KCNAB1: variants seen among roughly 807,000 people sequenced by gnomAD.
KCNAB1 encodes the protein potassium voltage-gated channel subfamily A regulatory beta subunit 1, also known as voltage-gated potassium channel subunit beta-1.
KCNAB1 carries 35 observed loss-of-function variants against 64.6 expected under a neutral mutation model. That is an observed-to-expected ratio of 0.54 (90% CI 0.41 to 0.72). The LOEUF (loss-of-function observed/expected upper bound fraction) is 0.72. KCNAB1 is among the 30% of genes least tolerant of loss of function. KCNAB1 has a pLI of 0.00. For missense variants in KCNAB1, 401 were observed against 512.9 expected (o/e 0.78, Z 2.11); for synonymous variants, 177 against 183.8 (o/e 0.96, Z 0.30).
At chr3:156,232,657 G>C (rs557745147) in intron 1 of KCNAB1, among the ~76,000 whole-genome samples, 1 of 152,302 alleles carries the variant, frequency 6.6e-6, no homozygotes, top group East Asian at 1.9e-4. Context: ...ATGCAAAGGT[G>C]GTTTTTCACT....
intron 1 of KCNAB1, among the ~76,000 whole-genome samples, chr3:156,236,258 G>A (rs75024476): frequency 0.011 from 1,607 of 152,298 alleles, 20 homozygotes; most frequent in African/African-American, 0.036. Context: ...GATGCTGACT[G>A]CCGTTCAGCT....
rs1713294338 is a variant in KCNAB1 at position 156,120,789 on chromosome 3, C to A, written c.178C>A (p.Leu60Met). 1.2e-6 allele frequency: 2 copies of A among 1,614,248 alleles called. No individual in the cohort carries two copies. Among genetic ancestry groups the A allele is most frequent in the East Asian group, 2.2e-5 (1 of 44,876 alleles). ...SGESQLRARQ[L>M]ALLREVEMNW... ...GGAAAGCCAGCTCAGGGCGCGTCAA[C>A]TGGCTCTGCTGCGCGAAGTGGAGAT... is the stretch of plus-strand genomic sequence containing the variant. Residue 60 changes from leucine to methionine, a missense_variant, in exon 1 of 14, where the codon CTG (leucine) becomes ATG (methionine). By Grantham distance (15) the Leu-to-Met change is conservative (BLOSUM62 2). Coordinates refer to ENST00000490337, the MANE Select transcript of KCNAB1 (RefSeq NM_172160.3).
At chr3:156,462,505 C>CT (rs1712996154) in intron 5 of KCNAB1, among the ~76,000 whole-genome samples, 1 of 152,282 alleles carries the variant, frequency 6.6e-6, no homozygotes, top group Admixed American at 6.5e-5. Flanking sequence ...GTTGTGTTAT[C>CT]TCCAGGTACA....
chr3:156,137,275 G>C (rs1714407506), intron 1 of KCNAB1, among the ~76,000 whole-genome samples: 1 of 151,990 alleles, frequency 6.6e-6, no homozygotes, highest in Non-Finnish European at 1.5e-5. Context: ...TAGATAAGCA[G>C]TAGGGATAAG....
intron 1 of KCNAB1, among the ~76,000 whole-genome samples, chr3:156,169,896 T>C (rs1026379575): frequency 1.1e-4 from 16 of 152,228 alleles, no homozygotes; most frequent in Admixed American, 6.5e-4. Context: ...TAGTTCTTCA[T>C]AGCAGTGTGA....
At chr3:156,181,513 T>G (rs1165668635) in intron 1 of KCNAB1, among the ~76,000 whole-genome samples, 1 of 152,112 alleles carries the variant, frequency 6.6e-6, no homozygotes, top group Non-Finnish European at 1.5e-5. Context: ...CAATGATGTG[T>G]TGGATTGGCT....
At chr3:156,121,530 G>T (rs955862916) in intron 1 of KCNAB1, among the ~76,000 whole-genome samples, 1 of 152,164 alleles carries the variant, frequency 6.6e-6, no homozygotes, top group African/African-American at 2.4e-5. Flanking sequence ...GCAGAGGAAG[G>T]ATAATTTCAC....
rs1011469340 is a variant in KCNAB1 at position 156,459,943 on chromosome 3, A to G, written c.482+72A>G. On this transcript the variant is annotated intron_variant, in intron 5 of 13. Coordinates refer to ENST00000490337, the MANE Select transcript of KCNAB1 (RefSeq NM_172160.3). Reference sequence around the variant, plus strand: ...GCACCAGAGAAGGAAAAATAAAATTATATGACACCTGACCAAAAGGCTGTC... The same window carrying G: ...GCACCAGAGAAGGAAAAATAAAATTGTATGACACCTGACCAAAAGGCTGTC... 4 of 1,069,388 alleles carry G rather than the reference A, an allele frequency of 3.7e-6. No homozygotes were observed. The Admixed American group carries it at 7.6e-5, about 20-fold the overall frequency. The allele number at this position is 1,069,388 out of a possible 1,614,324, so 66.2% of individuals were successfully genotyped here. A position where few individuals can be genotyped will look rare whatever the true frequency, so the allele number is the denominator to read the frequency against.
At chr3:156,222,293 C>T (rs1331153349) in intron 1 of KCNAB1, among the ~76,000 whole-genome samples, 1 of 151,992 alleles carries the variant, frequency 6.6e-6, no homozygotes, top group Non-Finnish European at 1.5e-5. Context: ...TTCTACCAGA[C>T]AAAACAAACT....
rs796565661 is a variant in KCNAB1 at position 156,172,029 on chromosome 3, C to G, written c.275+51143C>G. 1.1e-4 allele frequency among the ~76,000 whole-genome samples: 17 copies of G among 152,268 alleles called. No homozygotes were observed. In the East Asian group the frequency reaches 3.3e-3, roughly 29 times the overall value. The stretch of plus-strand genomic sequence containing the variant: ...AAATGCATTTCAACTGCACACAGGA[C>G]TGGGTTTTATATTTCTTGGCATTAT... On this transcript the variant is annotated intron_variant, in intron 1 of 13. Coordinates refer to ENST00000490337, the MANE Select transcript of KCNAB1 (RefSeq NM_172160.3).
chr3:156,376,191 C>T (rs1053368736), intron 1 of KCNAB1, among the ~76,000 whole-genome samples: 2 of 152,136 alleles, frequency 1.3e-5, no homozygotes, highest in Non-Finnish European at 2.9e-5. Flanking sequence ...GCTCGATGTC[C>T]CCATAACCTG....
chr3:156,329,721 A>G (rs918421879), intron 1 of KCNAB1, among the ~76,000 whole-genome samples: 2 of 152,206 alleles, frequency 1.3e-5, no homozygotes, highest in African/African-American at 4.8e-5. Context: ...AAGAGAAAAC[A>G]TCAGAGAAGA....
chr3:156,285,249 G>C (rs1430333076), intron 1 of KCNAB1, among the ~76,000 whole-genome samples: 1 of 152,156 alleles, frequency 6.6e-6, no homozygotes, highest in Non-Finnish European at 1.5e-5. Flanking sequence ...CAAATTCTCT[G>C]TGAGTTAAGG....
chr3:156,197,778 A>G (rs1283225110), intron 1 of KCNAB1, among the ~76,000 whole-genome samples: 3 of 151,994 alleles, frequency 2.0e-5, no homozygotes, highest in Non-Finnish European at 4.4e-5. Context: ...AGGGATTTTC[A>G]TGTCTCTATC....
chr3:156,488,760 A>G (rs768011140), intron 8 of KCNAB1, among the ~76,000 whole-genome samples: 5 of 152,128 alleles, frequency 3.3e-5, no homozygotes, highest in Non-Finnish European at 5.9e-5. Flanking sequence ...CAAATGTAGG[A>G]GCAGGGAGAT....
intron 1 of KCNAB1, among the ~76,000 whole-genome samples, chr3:156,409,712 G>A (rs143431334): frequency 6.6e-6 from 1 of 152,286 alleles, no homozygotes; most frequent in East Asian, 1.9e-4. Flanking sequence ...CACAATGCCT[G>A]GCGCTCTAGT....
intron 1 of KCNAB1, among the ~76,000 whole-genome samples, chr3:156,379,490 G>C (rs114364218): frequency 1.3e-5 from 2 of 152,172 alleles, no homozygotes; most frequent in Non-Finnish European, 2.9e-5. Flanking sequence ...ACATGAGCTG[G>C]AGGAGGTGAG....
At chr3:156,367,733 C>T (rs1238499288) in intron 1 of KCNAB1, among the ~76,000 whole-genome samples, 1 of 152,228 alleles carries the variant, frequency 6.6e-6, no homozygotes, top group African/African-American at 2.4e-5. Context: ...CTTTCCCCTT[C>T]TCCCTGCCTT....
rs1440947827 is a variant in KCNAB1, at chr3:156,443,042, T to TA, written c.320-9851dup. 3.9e-5 allele frequency among the ~76,000 whole-genome samples: 6 copies of TA among 152,202 alleles called. No individual in the cohort carries two copies. The East Asian group carries it at 9.6e-4, about 24-fold the overall frequency. On this transcript the variant is annotated intron_variant, in intron 2 of 13. Transcript: ENST00000490337. ...GGCAGAGATAGGTGCAAAGCTTTTT[T>TA]AAAAAATTTCATTTTTAGTTCCGGG... is the stretch of plus-strand genomic sequence containing the variant.
Sources: allele counts gnomAD v4.1 joint callset (sites outside exome capture counted in the v4.1 genomes callset), GRCh38; gene constraint gnomAD v4.1.1; transcripts MANE v1.5; gene names NCBI Gene and HGNC (gene_info 2026-07-23, HGNC 2026-07-21).